The following PPARGC1A variants were observed in gnomAD, a reference collection of about 807,000 sequenced individuals.
The protein encoded by PPARGC1A is PPARG coactivator 1 alpha.
PPARGC1A carries 25 observed loss-of-function variants against 88.7 expected under a neutral mutation model. The observed-to-expected ratio is 0.28, with a 90% CI of 0.21 to 0.39. PPARGC1A has a LOEUF of 0.39. Ranked by LOEUF, PPARGC1A falls within the 10% of genes least tolerant of loss-of-function variation. The pLI is 1.00. For missense variants in PPARGC1A, 880 were observed against 968.7 expected, an observed-to-expected ratio of 0.91 and a Z score of 1.22; for synonymous variants, 363 against 355.6, an observed-to-expected ratio of 1.02 and a Z score of -0.24.
At chr4:23,864,475 C>A (rs763348686) in intron 2 of PPARGC1A, among the ~76,000 whole-genome samples, 36 of 152,162 alleles carry the variant, frequency 2.4e-4, no homozygotes, top group South Asian at 2.1e-4. Flanking sequence ...GGGTAGTATA[C>A]CTTCAGGAGT....
chr4:24,106,289 C>G, the PPARGC1A span, among the ~76,000 whole-genome samples: 1 of 152,018 alleles, frequency 6.6e-6, no homozygotes, highest in Non-Finnish European at 1.5e-5. Context: ...TTTTTTTCTT[C>G]TATACTCATT....
At chr4:23,805,770 C>T (rs556615214) in intron 10 of PPARGC1A, among the ~76,000 whole-genome samples, 304 of 151,972 alleles carry the variant, frequency 2.0e-3, no homozygotes, top group Non-Finnish European at 3.6e-3. Flanking sequence ...AAAGTTACTA[C>T]TGTATAGAGA....
chr4:24,063,897 A>G, the PPARGC1A span, among the ~76,000 whole-genome samples: 3 of 152,164 alleles, frequency 2.0e-5, no homozygotes, highest in African/African-American at 7.2e-5. Flanking sequence ...ATGGAACTTC[A>G]TAACGCTGAT....
chr4:23,830,423 A>C (rs1724793979), intron 3 of PPARGC1A, among the ~76,000 whole-genome samples: 1 of 152,204 alleles, frequency 6.6e-6, no homozygotes, highest in Non-Finnish European at 1.5e-5. Context: ...CCAAATGAAC[A>C]AATTGAATAG....
chr4:24,033,202 C>T, the PPARGC1A span, among the ~76,000 whole-genome samples: 2 of 152,190 alleles, frequency 1.3e-5, no homozygotes, highest in African/African-American at 2.4e-5. Flanking sequence ...AACCAGTCAC[C>T]TCCCTGCTTC....
chr4:24,077,057 C>T, the PPARGC1A span, among the ~76,000 whole-genome samples: 1 of 151,932 alleles, frequency 6.6e-6, no homozygotes, highest in Admixed American at 6.6e-5. Flanking sequence ...GAAAGTTTTT[C>T]TCAATATATA....
chr4:24,111,512 A>G, the PPARGC1A span, among the ~76,000 whole-genome samples: 2 of 152,220 alleles, frequency 1.3e-5, no homozygotes, highest in African/African-American at 4.8e-5. Flanking sequence ...TTTCTAAAGG[A>G]TGGCAATTAG....
chr4:23,795,909 G>A lies in PPARGC1A; in HGVS notation c.2310C>T (p.Asp770=). The A allele has an allele frequency of 6.2e-7, 1 of 1,610,582 alleles. No individual in the cohort carries two copies. Residue 770 remains aspartate, a synonymous_variant, in exon 13 of 13, where the codon GAC becomes GAT. Transcript: ENST00000264867. ...NYADLDSNSD[D]FDPASTKSKY... ...TGCTCTTGGTGGAAGCAGGGTCAAA[G>A]TCATCTGAGTTTGAATCTGAAAAAA...
At chr4:24,043,041 T>C in the PPARGC1A span, among the ~76,000 whole-genome samples, 2,327 of 152,268 alleles carry the variant, frequency 0.015, 63 homozygotes, top group African/African-American at 0.053. Flanking sequence ...ACCTAATCTG[T>C]CAGGAAGCTA....
chr4:24,442,784 A>G, the PPARGC1A span, among the ~76,000 whole-genome samples: 14 of 152,302 alleles, frequency 9.2e-5, no homozygotes, highest in South Asian at 2.1e-4. Context: ...TCTACGGCAC[A>G]CAGTGGCCCT....
the PPARGC1A span, among the ~76,000 whole-genome samples, chr4:23,998,606 G>A: frequency 6.6e-6 from 1 of 152,160 alleles, no homozygotes; most frequent in East Asian, 1.9e-4. Flanking sequence ...ACTAAACTCA[G>A]CATCTAATTT....
the PPARGC1A span, among the ~76,000 whole-genome samples, chr4:24,057,337 A>T: frequency 6.6e-6 from 1 of 152,038 alleles, no homozygotes; most frequent in East Asian, 1.9e-4. Flanking sequence ...TAATGGGTAT[A>T]GAGTTTCTGT....
chr4:24,126,909 T>A, the PPARGC1A span, among the ~76,000 whole-genome samples: 1 of 152,120 alleles, frequency 6.6e-6, no homozygotes, highest in Non-Finnish European at 1.5e-5. Context: ...TCACGAGGAC[T>A]TCCCAGACCC....
At chr4:23,836,306 G>A (rs1726000514) in intron 2 of PPARGC1A, among the ~76,000 whole-genome samples, 1 of 152,148 alleles carries the variant, frequency 6.6e-6, no homozygotes, top group African/African-American at 2.4e-5. Flanking sequence ...CCACAGTTGA[G>A]CTCTGTGGCT....
intron 10 of PPARGC1A, among the ~76,000 whole-genome samples, chr4:23,803,357 T>G (rs1284845875): frequency 2.0e-5 from 3 of 152,138 alleles, no homozygotes; most frequent in Non-Finnish European, 2.9e-5. Context: ...CTCCGAAGAA[T>G]AAGAGCTAAA....
chr4:24,386,188 A>G, the PPARGC1A span, among the ~76,000 whole-genome samples: 4 of 152,164 alleles, frequency 2.6e-5, no homozygotes, highest in Admixed American at 2.6e-4. Context: ...ATAAAATTCA[A>G]CACCCCTTCA....
chr4:23,934,812 G>C, the PPARGC1A span, among the ~76,000 whole-genome samples: 5 of 152,108 alleles, frequency 3.3e-5, no homozygotes, highest in African/African-American at 1.2e-4. Context: ...CCAAGACCCC[G>C]GATCCAGGAA....
chr4:24,095,278 G>A, the PPARGC1A span, among the ~76,000 whole-genome samples: 12,544 of 151,820 alleles, frequency 0.083, 598 homozygotes, highest in East Asian at 0.17. Flanking sequence ...CTACCATGCC[G>A]GCTAATTTTT....
At chr4:24,470,039 C>T in the PPARGC1A span, among the ~76,000 whole-genome samples, 4 of 152,168 alleles carry the variant, frequency 2.6e-5, no homozygotes, top group African/African-American at 9.7e-5. This position sits in a 1 kb window ranked among gnomAD's most constrained non-coding sequence, Gnocchi z 5.8. Flanking sequence ...AGTCTCCTTC[C>T]TCTCTTCCTT....
Sources: gnomAD v4.1 joint callset for allele counts (sites outside exome capture counted in the v4.1 genomes callset) on GRCh38, gnomAD v4.1.1 for gene constraint, Gnocchi (gnomAD v3.1) non-coding constraint, MANE v1.5 for transcripts, NCBI Gene and HGNC (gene_info 2026-07-23, HGNC 2026-07-21) for gene names.